TLL1: variants seen among roughly 807,000 people sequenced by gnomAD.
TLL1 encodes the protein tolloid-like protein 1.
A neutral mutation model predicts 128.2 loss-of-function variants in TLL1; 49 were observed. The observed-to-expected ratio is 0.38, with a 90% confidence interval of 0.30 to 0.48. The LOEUF is 0.48. Ranked by LOEUF, TLL1 falls within the 20% of genes least tolerant of loss-of-function variation. The pLI, the probability that TLL1 is intolerant of heterozygous loss-of-function variation, is 0.96. For missense variants in TLL1, 1,123 were observed against 1,242.0 expected (o/e 0.90, Z 1.44); for synonymous variants, 454 against 418.8 (o/e 1.08, Z -1.03).
chr4:166,096,831 CA>C (rs1226075132), intron 19 of TLL1, among the ~76,000 whole-genome samples: 8 of 151,994 alleles, frequency 5.3e-5, no homozygotes, highest in African/African-American at 1.9e-4. Context: ...ATATTTTTCA[CA>C]AAATATTTTA....
At chr4:166,031,481 C>T (rs1240505301) in intron 9 of TLL1, among the ~76,000 whole-genome samples, 1 of 149,418 alleles carries the variant, frequency 6.7e-6, no homozygotes, top group Non-Finnish European at 1.5e-5. Flanking sequence ...AATTCTTGTG[C>T]CTCAGCCTCT....
chr4:165,994,541 A>G lies in TLL1; in HGVS notation c.514+8A>G, dbSNP rs1204117254. On this transcript the variant is annotated splice_region_variant and intron_variant, in intron 4 of 20. Transcript: ENST00000061240. ...TAGGAGGAAACTTCACTGGTAAGAT[A>G]CTCCCAGCATGTCTGTTTTCATAAA... is the stretch of plus-strand genomic sequence containing the variant. 6.2e-7 allele frequency: 1 copy of G among 1,613,784 alleles called. No individual in the cohort carries two copies. The highest frequency in any genetic ancestry group is 1.7e-5 in the Admixed American group (1 of 59,998).
chr4:166,075,737 A>G (rs1301238902), intron 17 of TLL1, among the ~76,000 whole-genome samples: 1 of 152,158 alleles, frequency 6.6e-6, no homozygotes, highest in African/African-American at 2.4e-5. Flanking sequence ...GAGAACTACT[A>G]AGGCAAATTT....
intron 1 of TLL1, among the ~76,000 whole-genome samples, chr4:165,962,431 G>C (rs1003649737): frequency 6.6e-6 from 1 of 152,166 alleles, no homozygotes; most frequent in Admixed American, 6.5e-5. Flanking sequence ...ACAGGTGTTG[G>C]CTGTGCTGGC....
chr4:166,035,638 T>C (rs954289174), intron 9 of TLL1, among the ~76,000 whole-genome samples: 4 of 145,536 alleles, frequency 2.7e-5, no homozygotes, highest in East Asian at 2.0e-4. Context: ...ATTTTTTTTT[T>C]CCTATAACAT....
Position 165,935,885 on chromosome 4 carries a change from T to C in TLL1, c.170-53496T>C, listed in dbSNP as rs116689925. 4.2e-3 allele frequency among the ~76,000 whole-genome samples: 637 copies of C among 152,324 alleles called. 4 individuals carry two copies. The highest frequency in any genetic ancestry group is 0.014 in the African/African-American group (579 of 41,578). ...TAGGTGTTACTGACTTGGAAACTTA[T>C]AATGCATTCAACCTGTTCCTCTTTT... is the stretch of plus-strand genomic sequence containing the variant. On this transcript the variant is annotated intron_variant, in intron 1 of 20. Transcript: ENST00000061240.
intron 19 of TLL1, among the ~76,000 whole-genome samples, chr4:166,095,755 C>A (rs1741988234): frequency 6.6e-6 from 1 of 152,066 alleles, no homozygotes; most frequent in African/African-American, 2.4e-5. Context: ...GGCTTCTCTT[C>A]CCTTCTTGTT....
chr4:165,924,247 G>C (rs547870837), intron 1 of TLL1, among the ~76,000 whole-genome samples: 1 of 152,128 alleles, frequency 6.6e-6, no homozygotes, highest in African/African-American at 2.4e-5. Flanking sequence ...GTCCAAAGCC[G>C]AGATAGGCCA....
rs182190029 is a variant in TLL1 at position 166,016,047 on chromosome 4, C to A, written c.1042+1487C>A. On this transcript the variant is annotated intron_variant, in intron 8 of 20. Transcript: ENST00000061240. ...TAAATATATGTCTGCCTAATTTTTC[C>A]ATGTACCAAAAGACATTTCTACTTA... Among the ~76,000 whole-genome samples the A allele has an allele frequency of 4.6e-3, 706 of 151,918 alleles. 6 individuals are homozygous for A. The highest frequency in any genetic ancestry group is 6.7e-3 in the Admixed American group (102 of 15,222).
chr4:166,023,982 G>A (rs1171060042), intron 8 of TLL1, among the ~76,000 whole-genome samples: 1 of 151,802 alleles, frequency 6.6e-6, no homozygotes, highest in African/African-American at 2.4e-5. Context: ...ATCCTACTTA[G>A]AAGCACATTG....
chr4:166,082,689 T>A (rs969596232), intron 18 of TLL1, among the ~76,000 whole-genome samples: 20 of 152,136 alleles, frequency 1.3e-4, no homozygotes, highest in African/African-American at 4.3e-4. Flanking sequence ...TTTCGTTTGT[T>A]TTTTTGGAGG....
At chr4:165,998,939 C>G (rs113825104) in intron 5 of TLL1, among the ~76,000 whole-genome samples, 3,238 of 152,002 alleles carry the variant, frequency 0.021, 121 homozygotes, top group African/African-American at 0.074. Context: ...TTAGGCAGTA[C>G]GGGTGTGCTA....
At position 166,099,400 on chromosome 4, in the gene TLL1, C is replaced by T; in HGVS notation, c.2780C>T (p.Ser927Phe). The T allele has an allele frequency of 1.2e-6, 2 of 1,613,552 alleles. No individual in the cohort carries two copies. Among genetic ancestry groups the T allele is most frequent in the Non-Finnish European group, 1.7e-6 (2 of 1,179,668 alleles). Residue 927 changes from serine (S) to phenylalanine (F), a missense_variant, in exon 20 of 21, where the codon TCT becomes TTT. By Grantham distance (155) the Ser-to-Phe change is radical. Transcript: ENST00000061240. Reference protein sequence around the residue: ...CEWLLVSERGSRLELSFQTFE... With the variant: ...CEWLLVSERGFRLELSFQTFE... ...TGGCTATTAGTATCAGAACGGGGCTCTCGACTTGAATTATCCTTCCAGACA... is the reference window on the plus strand; with the variant it reads ...TGGCTATTAGTATCAGAACGGGGCTTTCGACTTGAATTATCCTTCCAGACA...
intron 1 of TLL1, among the ~76,000 whole-genome samples, chr4:165,961,471 C>T (rs574760565): frequency 6.6e-6 from 1 of 152,106 alleles, no homozygotes; most frequent in South Asian, 2.1e-4. Flanking sequence ...AAAAACTATT[C>T]TAAAATTCAT....
At chr4:166,097,444 A>C (rs1235593225) in intron 19 of TLL1, among the ~76,000 whole-genome samples, 2 of 152,118 alleles carry the variant, frequency 1.3e-5, no homozygotes, top group Non-Finnish European at 2.9e-5. Flanking sequence ...GGACATTTAC[A>C]TTCACTGTGT....
Position 165,873,697 on chromosome 4 carries a change from C to T in TLL1, c.-208C>T. On this transcript the variant is annotated 5_prime_UTR_variant, in exon 1 of 21. Coordinates refer to ENST00000061240, the MANE Select transcript of TLL1 (RefSeq NM_012464.5). ...ACCCGTGGGCCCCTAGCCAACTTCT[C>T]CCTGCGACTGGGGGTAACAGGCAGT... 1 of 567,542 alleles carries T rather than the reference C, an allele frequency of 1.8e-6. No individual in the cohort carries two copies. Among genetic ancestry groups the T allele is most frequent in the South Asian group, 2.2e-5 (1 of 44,466 alleles). The allele number at this position is 567,542 out of a possible 1,614,324, so 35.2% of individuals were successfully genotyped here.
chr4:166,039,656 T>C (rs1739155890), intron 10 of TLL1, among the ~76,000 whole-genome samples: 1 of 152,204 alleles, frequency 6.6e-6, no homozygotes, highest in Non-Finnish European at 1.5e-5. Flanking sequence ...GCTTAACTTA[T>C]GAGGTACATA....
chr4:166,067,624 G>A (rs922240025), intron 16 of TLL1, among the ~76,000 whole-genome samples: 2 of 151,564 alleles, frequency 1.3e-5, no homozygotes, highest in African/African-American at 4.8e-5. Context: ...TTAGAACATG[G>A]ATGATTTCAG....
At chr4:166,091,023 T>C in intron 18 of TLL1, 105 bp from the exon 19 acceptor site, 1 of 857,830 alleles carries the variant, frequency 1.2e-6, no homozygotes, top group Non-Finnish European at 1.8e-6. Context: ...AAATTATTAG[T>C]ATGCCCTGAA....
Sources: allele counts gnomAD v4.1 joint callset (sites outside exome capture counted in the v4.1 genomes callset), GRCh38; gene constraint gnomAD v4.1.1; transcripts MANE v1.5; gene names NCBI Gene and HGNC (gene_info 2026-07-23, HGNC 2026-07-21).